Variants in NELL1 observed in about 807,000 individuals in gnomAD.
NELL1 encodes protein kinase C-binding protein NELL1.
NELL1 carries 76 observed loss-of-function variants against 107.4 expected under a neutral mutation model. The ratio of observed to expected loss-of-function variants is 0.71; its 90% CI spans 0.59 to 0.86. The LOEUF is 0.86. NELL1 is among the 40% of genes least tolerant of loss of function. The pLI is 0.00. For missense variants in NELL1, 1,024 were observed against 1,005.5 expected, an observed-to-expected ratio of 1.02 and a Z score of -0.25; for synonymous variants, 353 against 341.2, an observed-to-expected ratio of 1.03 and a Z score of -0.38.
At chr11:21,255,808 C>T (rs1265013459) in intron 14 of NELL1, among the ~76,000 whole-genome samples, 2 of 152,020 alleles carry the variant, frequency 1.3e-5, no homozygotes, top group Non-Finnish European at 2.9e-5. Flanking sequence ...TTTTACTCTT[C>T]TCACTTCCAC....
chr11:21,385,542 C>A (rs1590888555), intron 15 of NELL1, among the ~76,000 whole-genome samples: 1 of 151,834 alleles, frequency 6.6e-6, no homozygotes, highest in African/African-American at 2.4e-5. Context: ...CTCCATCCTA[C>A]CTCCTAGTAT....
intron 13 of NELL1, among the ~76,000 whole-genome samples, chr11:21,145,249 T>A (rs1032780911): frequency 6.6e-6 from 1 of 152,224 alleles, no homozygotes; most frequent in African/African-American, 2.4e-5. Context: ...ATTTTACAAA[T>A]GGAGAAATTA....
chr11:21,145,822 G>A lies in NELL1; in HGVS notation c.1426+32108G>A, dbSNP rs140673149. Among the ~76,000 whole-genome samples, 644 of 152,252 alleles carry A rather than the reference G, an allele frequency of 4.2e-3. 2 individuals are homozygous for A. Among genetic ancestry groups the A allele is most frequent in the African/African-American group, 0.015 (615 of 41,542 alleles). On this transcript the variant is annotated intron_variant, in intron 13 of 19. Coordinates refer to ENST00000357134, the MANE Select transcript of NELL1 (RefSeq NM_006157.5). ...AGGAGTAGCACGTGTGTTAATTTTT[G>A]TATTCCAACATTAAATGTCAAGGGT...
chr11:21,049,366 A>G (rs1196636636), intron 12 of NELL1, among the ~76,000 whole-genome samples: 1 of 152,126 alleles, frequency 6.6e-6, no homozygotes, highest in East Asian at 1.9e-4. Flanking sequence ...ACCCTTTTCA[A>G]CGTGCTTTTG....
intron 16 of NELL1, among the ~76,000 whole-genome samples, chr11:21,550,517 A>G (rs564341258): frequency 6.6e-6 from 1 of 152,072 alleles, no homozygotes; most frequent in Admixed American, 6.6e-5. Flanking sequence ...TCATTTTTGT[A>G]TAAGGTGTAA....
At chr11:20,733,754 A>G (rs1855698997) in intron 2 of NELL1, among the ~76,000 whole-genome samples, 2 of 152,226 alleles carry the variant, frequency 1.3e-5, no homozygotes, top group African/African-American at 4.8e-5. Flanking sequence ...AATGTTGAAT[A>G]GAGACAAAGG....
chr11:21,147,134 T>C (rs1855998872), intron 13 of NELL1, among the ~76,000 whole-genome samples: 1 of 152,190 alleles, frequency 6.6e-6, no homozygotes, highest in Non-Finnish European at 1.5e-5. Context: ...GAAATTTCCT[T>C]AGAACCCCTT....
chr11:20,692,328 C>A, intron 2 of NELL1, among the ~76,000 whole-genome samples: 1 of 151,918 alleles, frequency 6.6e-6, no homozygotes, highest in East Asian at 1.9e-4. Flanking sequence ...CTTCTGCTAG[C>A]TTTTGAATGT....
intron 12 of NELL1, among the ~76,000 whole-genome samples, chr11:21,084,509 G>T (rs1009615707): frequency 6.6e-6 from 1 of 152,062 alleles, no homozygotes. Context: ...GTTGGCTCTG[G>T]GCTCAGTAGG....
intron 11 of NELL1, among the ~76,000 whole-genome samples, chr11:20,958,453 G>A (rs1851223587): frequency 6.6e-6 from 1 of 152,000 alleles, no homozygotes; most frequent in Non-Finnish European, 1.5e-5. Context: ...AAATAAAAAA[G>A]ATCTTAAAAG....
At chr11:21,040,506 T>C (rs993583689) in intron 12 of NELL1, among the ~76,000 whole-genome samples, 1 of 152,168 alleles carries the variant, frequency 6.6e-6, no homozygotes, top group African/African-American at 2.4e-5. Context: ...CATCTTGTGC[T>C]CTTTAAGTCA....
chr11:21,440,132 A>C (rs935546230), intron 15 of NELL1, among the ~76,000 whole-genome samples: 1 of 152,134 alleles, frequency 6.6e-6, no homozygotes, highest in Non-Finnish European at 1.5e-5. Flanking sequence ...AGGGTTCTGA[A>C]TCACAATCTT....
At chr11:21,473,691 G>C (rs1190639306) in intron 15 of NELL1, among the ~76,000 whole-genome samples, 1 of 151,870 alleles carries the variant, frequency 6.6e-6, no homozygotes, top group Non-Finnish European at 1.5e-5. Context: ...AGCTATTGTG[G>C]GCAAGATAAT....
chr11:21,569,455 TATGATGATGATGATG>T (rs147067365), intron 17 of NELL1, among the ~76,000 whole-genome samples: 55 of 149,774 alleles, frequency 3.7e-4, no homozygotes, highest in Admixed American at 8.7e-4. Context: ...CATGGTAGAA[TATGATGATGATGATG>T]ATGATGATGA....
chr11:21,346,078 G>T (rs982376483), intron 14 of NELL1, among the ~76,000 whole-genome samples: 5 of 152,138 alleles, frequency 3.3e-5, no homozygotes, highest in Non-Finnish European at 5.9e-5. Flanking sequence ...GATCACCTTG[G>T]ATTTTTTGGT....
chr11:20,942,656 G>A (rs999580619), intron 10 of NELL1, among the ~76,000 whole-genome samples: 2 of 152,242 alleles, frequency 1.3e-5, no homozygotes, highest in Middle Eastern at 3.4e-3. Flanking sequence ...GACCATACAT[G>A]TCCTTCTTGA....
At chr11:20,882,897 C>T (rs546438789) in intron 4 of NELL1, among the ~76,000 whole-genome samples, 2 of 152,270 alleles carry the variant, frequency 1.3e-5, no homozygotes, top group South Asian at 4.1e-4. Flanking sequence ...TTTTTCATGA[C>T]ATTGACATTT....
intron 4 of NELL1, among the ~76,000 whole-genome samples, chr11:20,857,430 TC>T (rs1848904025): frequency 6.6e-6 from 1 of 152,090 alleles, no homozygotes; most frequent in African/African-American, 2.4e-5. Context: ...GGTGAGTGGT[TC>T]TTCAGCCCCG....
At chr11:21,322,629 C>T (rs1850038706) in intron 14 of NELL1, among the ~76,000 whole-genome samples, 1 of 152,034 alleles carries the variant, frequency 6.6e-6, no homozygotes, top group Non-Finnish European at 1.5e-5. Flanking sequence ...TACTATGTTT[C>T]ATTTTTGTGC....
Sources: allele counts gnomAD v4.1 joint callset (sites outside exome capture counted in the v4.1 genomes callset), GRCh38; gene constraint gnomAD v4.1.1; transcripts MANE v1.5; gene names NCBI Gene and HGNC (gene_info 2026-07-23, HGNC 2026-07-21).